RIMS1: variants seen among roughly 807,000 people sequenced by gnomAD.
RIMS1 encodes regulating synaptic membrane exocytosis 1.
A neutral mutation model predicts 214.1 loss-of-function variants in RIMS1; 83 were observed. The observed-to-expected ratio is 0.39, with a 90% CI of 0.32 to 0.47. The LOEUF is 0.47. Ranked by LOEUF, RIMS1 falls within the 20% of genes least tolerant of loss-of-function variation. RIMS1 has a pLI of 0.99. For missense variants in RIMS1, 2,050 were observed against 2,161.8 expected (o/e 0.95, Z 1.03); for synonymous variants, 793 against 786.8 (o/e 1.01, Z -0.13).
intron 26 of RIMS1, among the ~76,000 whole-genome samples, chr6:72,293,278 G>T (rs1197331765): frequency 6.6e-6 from 1 of 151,938 alleles, no homozygotes; most frequent in Non-Finnish European, 1.5e-5. Flanking sequence ...ATGAAAATAT[G>T]ATGCATTGTG....
intron 28 of RIMS1, among the ~76,000 whole-genome samples, chr6:72,332,086 A>G (rs955254695): frequency 6.6e-6 from 1 of 151,866 alleles, no homozygotes; most frequent in African/African-American, 2.4e-5. Flanking sequence ...AACTTGTTAC[A>G]TAATCCCAAC....
chr6:72,388,970 C>G (rs1160095871), intron 29 of RIMS1, among the ~76,000 whole-genome samples: 1 of 151,994 alleles, frequency 6.6e-6, no homozygotes, highest in African/African-American at 2.4e-5. Flanking sequence ...AGGTTAAGAC[C>G]TTGATGTATA....
chr6:71,893,499 A>G (rs1770626207), intron 1 of RIMS1, among the ~76,000 whole-genome samples: 1 of 152,116 alleles, frequency 6.6e-6, no homozygotes, highest in Admixed American at 6.6e-5. Flanking sequence ...TACAGTAATA[A>G]TTTTAGTGTC....
Position 71,953,737 on chromosome 6 carries a change from C to T in RIMS1, c.165-15246C>T, listed in dbSNP as rs180801306. On this transcript the variant is annotated intron_variant, in intron 1 of 33. Coordinates refer to ENST00000521978, the MANE Select transcript of RIMS1 (RefSeq NM_014989.7). ...AATTTAGTGACTTCCAGCTGACTCT[C>T]CAGGATTCTCAAACCACTTAGGGCT... Among the ~76,000 whole-genome samples, 13 of 152,306 alleles carry T rather than the reference C, an allele frequency of 8.5e-5. No homozygotes were observed. In the East Asian group the frequency reaches 2.5e-3, roughly 29 times the overall value.
intron 23 of RIMS1, among the ~76,000 whole-genome samples, chr6:72,283,081 A>G (rs1482184002): frequency 4.6e-5 from 7 of 152,080 alleles, no homozygotes; most frequent in Non-Finnish European, 8.8e-5. Flanking sequence ...GTCACACATT[A>G]ATAAGTAAAG....
chr6:72,047,847 C>T (rs983523405), intron 2 of RIMS1, among the ~76,000 whole-genome samples: 1 of 152,168 alleles, frequency 6.6e-6, no homozygotes, highest in Admixed American at 6.5e-5. Context: ...CAGTTGGATA[C>T]TGCTTGGGAC....
intron 6 of RIMS1, among the ~76,000 whole-genome samples, chr6:72,209,251 A>G: frequency 6.6e-6 from 1 of 152,100 alleles, no homozygotes; most frequent in East Asian, 1.9e-4. Context: ...TAACCTTTTA[A>G]ATTTTTCCAG....
chr6:72,055,730 G>A (rs1031094632), intron 2 of RIMS1, among the ~76,000 whole-genome samples: 10 of 152,126 alleles, frequency 6.6e-5, no homozygotes, highest in Admixed American at 3.9e-4. Context: ...TCTCACTTCA[G>A]TCGAATGGCT....
intron 2 of RIMS1, among the ~76,000 whole-genome samples, chr6:72,012,901 T>C (rs1467401861): frequency 6.6e-6 from 1 of 152,220 alleles, no homozygotes; most frequent in African/African-American, 2.4e-5. Flanking sequence ...ACCATTCATT[T>C]TGTGAAAGCA....
At chr6:72,123,790 G>A (rs2038928265) in intron 4 of RIMS1, among the ~76,000 whole-genome samples, 1 of 151,844 alleles carries the variant, frequency 6.6e-6, no homozygotes, top group South Asian at 2.1e-4. Flanking sequence ...GACTAGGATT[G>A]CAACCCCTGC....
intron 31 of RIMS1, among the ~76,000 whole-genome samples, chr6:72,393,945 C>A (rs2098742055): frequency 6.6e-6 from 1 of 151,316 alleles, no homozygotes; most frequent in African/African-American, 2.4e-5. Flanking sequence ...TCATTTTCCT[C>A]ATTTCTAACA....
At chr6:72,365,047 A>G (rs988938272) in intron 29 of RIMS1, among the ~76,000 whole-genome samples, 3 of 152,224 alleles carry the variant, frequency 2.0e-5, no homozygotes, top group Admixed American at 2.0e-4. Flanking sequence ...CTGCTCCCGT[A>G]GTTTTCTACC....
intron 2 of RIMS1, among the ~76,000 whole-genome samples, chr6:72,095,116 A>ATTTTTTTTT (rs71540328): frequency 4.5e-4 from 45 of 98,956 alleles, no homozygotes; most frequent in African/African-American, 8.5e-4. Context: ...ACGCCCGACT[A>ATTTTTTTTT]TTTTTTTTTT....
intron 2 of RIMS1, among the ~76,000 whole-genome samples, chr6:72,032,428 G>C (rs188275528): frequency 1.2e-3 from 185 of 152,232 alleles, no homozygotes; most frequent in Non-Finnish European, 2.0e-3. Flanking sequence ...AGTTTGGCTT[G>C]TCCTAGAGTA....
chr6:72,120,670 G>A (rs2038082530), intron 4 of RIMS1, among the ~76,000 whole-genome samples: 1 of 151,794 alleles, frequency 6.6e-6, no homozygotes, highest in Admixed American at 6.6e-5. Flanking sequence ...GATCCCATTT[G>A]TCTATTTTGG....
At chr6:72,262,312 A>G in intron 19 of RIMS1, 3 of 940,910 alleles carry the variant, frequency 3.2e-6, no homozygotes, top group Non-Finnish European at 3.8e-6. Flanking sequence ...CACAAGTCCT[A>G]TTTAATAGTC....
At chr6:71,954,836 C>G (rs1359922448) in intron 1 of RIMS1, among the ~76,000 whole-genome samples, 2 of 149,608 alleles carry the variant, frequency 1.3e-5, no homozygotes, top group Non-Finnish European at 3.0e-5. Flanking sequence ...CATCACAATA[C>G]CACTCCTCAG....
At chr6:72,013,295 A>T (rs557227982) in intron 2 of RIMS1, among the ~76,000 whole-genome samples, 1 of 152,318 alleles carries the variant, frequency 6.6e-6, no homozygotes, top group Non-Finnish European at 1.5e-5. Flanking sequence ...ATTTATAAAT[A>T]TTATGTCATA....
chr6:72,089,192 G>A (rs1835491534), intron 2 of RIMS1, among the ~76,000 whole-genome samples: 2 of 152,122 alleles, frequency 1.3e-5, no homozygotes, highest in South Asian at 4.1e-4. Flanking sequence ...AGACTCTCCT[G>A]CAGCTAGAAT....
Sources: gnomAD v4.1 joint callset for allele counts (sites outside exome capture counted in the v4.1 genomes callset) on GRCh38, gnomAD v4.1.1 for gene constraint, MANE v1.5 for transcripts, NCBI Gene and HGNC (gene_info 2026-07-23, HGNC 2026-07-21) for gene names.